KIF1A: variants seen among roughly 807,000 people sequenced by gnomAD.
The protein encoded by KIF1A is kinesin-like protein KIF1A.
In KIF1A, 46 loss-of-function variants were observed where a neutral mutation model predicts 227.3. The ratio of observed to expected loss-of-function variants is 0.20; its 90% CI spans 0.16 to 0.26. The LOEUF (loss-of-function observed/expected upper bound fraction) is 0.26. Among genes scored for constraint, KIF1A ranks in the 10% least tolerant of loss-of-function variants. The pLI is 1.00. For missense variants in KIF1A, 1,683 were observed against 2,485.9 expected (o/e 0.68, Z 6.87); for synonymous variants, 1,022 against 1,012.8 (o/e 1.01, Z -0.17).
intron 38 of KIF1A, chr2:240,734,619 G>A (rs2047109534): frequency 2.4e-6 from 2 of 831,536 alleles, no homozygotes; most frequent in Admixed American, 2.3e-5. Flanking sequence ...GAAGCTGGAA[G>A]TTAACTTCTC....
Position 240,714,123 on chromosome 2 carries a change from G to A in KIF1A, c.*3241C>T, listed in dbSNP as rs1380766561. ...CCCCACATGGGTGAGGCTGGCATAG[G>A]ACCAGTGCAGCAGCACAGTAAACAC... On this transcript the variant is annotated 3_prime_UTR_variant, in exon 49 of 49. Coordinates refer to ENST00000498729, the MANE Select transcript of KIF1A (RefSeq NM_001244008.2). 6.6e-6 allele frequency: 1 copy of A among 152,470 alleles called. No individual in the cohort carries two copies. Among genetic ancestry groups the A allele is most frequent in the Non-Finnish European group, 1.5e-5 (1 of 68,144 alleles). 9.4% of individuals were successfully genotyped at this position (152,470 alleles called of 1,614,324 possible).
At chr2:240,816,997 G>A (rs970931582) in intron 1 of KIF1A, among the ~76,000 whole-genome samples, 5 of 152,220 alleles carry the variant, frequency 3.3e-5, no homozygotes, top group African/African-American at 1.2e-4. Context: ...GGCTGAGGGT[G>A]GGGATCCCAG....
intron 19 of KIF1A, 125 bp from the exon 20 acceptor site, chr2:240,765,918 C>T (rs1432167600): frequency 4.3e-6 from 3 of 695,478 alleles, no homozygotes; most frequent in Non-Finnish European, 5.1e-6. Flanking sequence ...CCCTGCTACA[C>T]AGGCCGTGAC....
chr2:240,821,000 C>G (rs1290290727), upstream of KIF1A, among the ~76,000 whole-genome samples: 1 of 152,320 alleles, frequency 6.6e-6, no homozygotes, highest in East Asian at 1.9e-4. The surrounding 1 kb of genome is among the most constrained non-coding windows in gnomAD (Gnocchi z 6.2). Context: ...CCTGCGTCAC[C>G]CGCCCCCAGC....
chr2:240,734,855 C>T (rs2047143343), intron 38 of KIF1A: 1 of 810,404 alleles, frequency 1.2e-6, no homozygotes, highest in African/African-American at 1.8e-5. Context: ...CACTCTGAGC[C>T]AGGGAGGCTG....
chr2:240,728,109 G>C (rs1287218615), intron 38 of KIF1A, among the ~76,000 whole-genome samples: 1 of 152,200 alleles, frequency 6.6e-6, no homozygotes, highest in Non-Finnish European at 1.5e-5. Context: ...CCCCTCCCGA[G>C]ACCGCGGTGG....
chr2:240,802,473 C>T (rs186202568), intron 1 of KIF1A, among the ~76,000 whole-genome samples: 1 of 152,036 alleles, frequency 6.6e-6, no homozygotes. Context: ...TTAAATACAC[C>T]AAGTAAAACA....
Position 240,717,183 on chromosome 2 carries a change from CT to C in KIF1A, c.*180del. 1 of 567,212 alleles carries C rather than the reference CT, an allele frequency of 1.8e-6. No individual in the cohort carries two copies. The highest frequency in any genetic ancestry group is 3.1e-6 in the Non-Finnish European group (1 of 319,158). The allele number at this position is 567,212 out of a possible 1,614,324, so 35.1% of individuals were successfully genotyped here. A position where few individuals can be genotyped will look rare whatever the true frequency, so the allele number is the denominator to read the frequency against. On this transcript the variant is annotated 3_prime_UTR_variant, in exon 49 of 49. Transcript: ENST00000498729. ...CAAGAAGAACTGACACGCACAGCCT[CT>C]GCTGGGAGCACAGCTGGTCGTGTGG...
At chr2:240,806,690 CA>C (rs1394550615) in intron 1 of KIF1A, among the ~76,000 whole-genome samples, 3 of 152,100 alleles carry the variant, frequency 2.0e-5, no homozygotes, top group Admixed American at 2.0e-4. Context: ...AGCATCCAAT[CA>C]AAAATTACTA....
Position 240,718,051 on chromosome 2 carries a change from G to T in KIF1A, c.5332C>A (p.Arg1778=). The change falls in exon 48 of 49, where the codon CGG becomes AGG. Residue 1778 remains arginine, a splice_region_variant and synonymous_variant. Transcript: ENST00000498729. ...ACCTCGCCCTGCAGGCGGCCCTACC[G>T]TATGGTCCCGGCCAGGAGGGGGTTG... is the stretch of plus-strand genomic sequence containing the variant. ...AFNPLLAGTI[R]SKLSRRRSAQ... 1.2e-6 allele frequency: 2 copies of T among 1,600,868 alleles called. No homozygotes were observed. The highest frequency in any genetic ancestry group is 8.5e-7 in the Non-Finnish European group (1 of 1,172,408).
At chr2:240,772,384 C>G (rs1011038139) in intron 14 of KIF1A, among the ~76,000 whole-genome samples, 186 bp downstream of exon 14, 24 of 152,292 alleles carry the variant, frequency 1.6e-4, no homozygotes, top group African/African-American at 5.3e-4. Flanking sequence ...CAGAGGCAGA[C>G]AGAATCCCAC....
chr2:240,778,038 TCA>T lies in KIF1A; in HGVS notation c.883-2114_883-2113del, dbSNP rs1248005165. ...CGGTTCCCACGCGGCTGCTCGCAGC[TCA>T]CCACACAGTTCCTCAGCTCCTCCCG... On this transcript the variant is annotated intron_variant, in intron 10 of 48. Transcript: ENST00000498729. The surrounding 1 kb of genome is among the most constrained non-coding windows in gnomAD (Gnocchi z 7.2). Among the ~76,000 whole-genome samples, 6 of 152,146 alleles carry T rather than the reference TCA, an allele frequency of 3.9e-5. No individual in the cohort carries two copies. Among genetic ancestry groups the T allele is most frequent in the Non-Finnish European group, 4.4e-5 (3 of 68,024 alleles).
chr2:240,813,495 G>A (rs77835327), intron 1 of KIF1A, among the ~76,000 whole-genome samples: 3,891 of 152,288 alleles, frequency 0.026, 63 homozygotes, highest in Non-Finnish European at 0.036. Flanking sequence ...ACCCTCCGAG[G>A]GTGGTCACTG....
Position 240,752,680 on chromosome 2 carries a change from C to T in KIF1A, c.2859-2133G>A, listed in dbSNP as rs1005929943. ...CCATGCTGTGGGGCTCTGAGCCAGC[C>T]CCTGCCCTCCAGCCCCCACCCACCC... is the stretch of plus-strand genomic sequence containing the variant. On this transcript the variant is annotated intron_variant, in intron 27 of 48. Transcript: ENST00000498729. This position sits in a 1 kb window ranked among gnomAD's most constrained non-coding sequence, Gnocchi z 6.4. Among the ~76,000 whole-genome samples the T allele has an allele frequency of 1.3e-5, 2 of 152,170 alleles. No individual in the cohort carries two copies. Among genetic ancestry groups the T allele is most frequent in the Middle Eastern group, 3.4e-3 (1 of 294 alleles).
intron 37 of KIF1A, among the ~76,000 whole-genome samples, chr2:240,737,775 C>T (rs59690663): frequency 1.6e-4 from 25 of 152,312 alleles, no homozygotes; most frequent in African/African-American, 5.8e-4. Flanking sequence ...GTGGCTTCAC[C>T]TAGTAATTTC....
At chr2:240,802,122 C>T (rs556226809) in intron 1 of KIF1A, among the ~76,000 whole-genome samples, 1 of 147,196 alleles carries the variant, frequency 6.8e-6, no homozygotes, top group South Asian at 2.1e-4. Context: ...AAGCATGTAA[C>T]CTTTAAAGGA....
chr2:240,782,323 G>A (rs2054155225), intron 10 of KIF1A, among the ~76,000 whole-genome samples: 1 of 151,974 alleles, frequency 6.6e-6, no homozygotes, highest in Admixed American at 6.5e-5. Flanking sequence ...CGCCCCCCGG[G>A]CCACACTTTC....
chr2:240,750,202 CCT>C (rs2049051450), intron 28 of KIF1A, among the ~76,000 whole-genome samples: 1 of 152,206 alleles, frequency 6.6e-6, no homozygotes, highest in East Asian at 1.9e-4. Context: ...AGGGGCTTCC[CCT>C]CCAGGGCCCA....
At chr2:240,818,338 G>A (rs1464507145) in intron 1 of KIF1A, among the ~76,000 whole-genome samples, 1 of 152,142 alleles carries the variant, frequency 6.6e-6, no homozygotes, top group Admixed American at 6.5e-5. Context: ...ATCCCACGCT[G>A]GGCCCCTCAG....
Sources: gnomAD v4.1 joint callset for allele counts (sites outside exome capture counted in the v4.1 genomes callset) on GRCh38, gnomAD v4.1.1 for gene constraint, Gnocchi (gnomAD v3.1) non-coding constraint, MANE v1.5 for transcripts, NCBI Gene and HGNC (gene_info 2026-07-23, HGNC 2026-07-21) for gene names.